The following UNC13C variants were observed in gnomAD, a reference collection of about 807,000 sequenced individuals.
UNC13C encodes protein unc-13 homolog C.
A neutral mutation model predicts 245.4 loss-of-function variants in UNC13C; 174 were observed. The ratio of observed to expected loss-of-function variants is 0.71; its 90% CI spans 0.63 to 0.80. The LOEUF is 0.80. Ranked by LOEUF, UNC13C falls within the 30% of genes least tolerant of loss-of-function variation. UNC13C has a pLI of 0.00. For synonymous variants in UNC13C, 992 were observed against 895.1 expected, an observed-to-expected ratio of 1.11 and a Z score of -1.93; for missense variants, 2,829 against 2,602.9, an observed-to-expected ratio of 1.09 and a Z score of -1.89.
At chr15:54,579,571 C>G (rs182204826) in intron 30 of UNC13C, among the ~76,000 whole-genome samples, 19 of 152,074 alleles carry the variant, frequency 1.2e-4, no homozygotes, top group Admixed American at 1.2e-3. Flanking sequence ...TTCCAGCTAA[C>G]ACAGTGAAAC....
At chr15:53,877,569 CAGAGAGAG>C in the UNC13C span, among the ~76,000 whole-genome samples, 1 of 149,136 alleles carries the variant, frequency 6.7e-6, no homozygotes, top group Non-Finnish European at 1.5e-5. Flanking sequence ...TTTGTGGATA[CAGAGAGAG>C]AGAGAGAGAG....
chr15:53,876,052 A>AT, the UNC13C span, among the ~76,000 whole-genome samples: 4 of 152,164 alleles, frequency 2.6e-5, no homozygotes, highest in Non-Finnish European at 4.4e-5. Flanking sequence ...CCACGTAATG[A>AT]TTTTTTATGC....
chr15:54,171,163 C>T (rs1013348739), intron 4 of UNC13C, among the ~76,000 whole-genome samples: 1 of 152,040 alleles, frequency 6.6e-6, no homozygotes, highest in African/African-American at 2.4e-5. Context: ...AATCCCAAAC[C>T]CTAGGTTGCG....
rs946011582 is a variant in UNC13C, at chr15:54,369,088, T to A, written c.4714-23960T>A. ...CAGAGTTAAAAATGAAAGGAAAAAA[T>A]ACATTTTCTCTAGTTAGCACAATTG... On this transcript the variant is annotated intron_variant, in intron 17 of 32. Transcript: ENST00000260323. Among the ~76,000 whole-genome samples, 4 of 151,980 alleles carry A rather than the reference T, an allele frequency of 2.6e-5. No homozygotes were observed. In the East Asian group the frequency reaches 7.7e-4, roughly 29 times the overall value.
intron 2 of UNC13C, among the ~76,000 whole-genome samples, chr15:54,057,912 A>G (rs1250518442): frequency 6.6e-6 from 1 of 152,190 alleles, no homozygotes; most frequent in East Asian, 1.9e-4. Flanking sequence ...TTTGAAACCA[A>G]CAAGAACAAA....
chr15:54,039,452 G>A (rs1424835135), intron 2 of UNC13C, among the ~76,000 whole-genome samples: 1 of 152,120 alleles, frequency 6.6e-6, no homozygotes, highest in African/African-American at 2.4e-5. Context: ...CTCCACAGAT[G>A]ACACTAAAGT....
At chr15:53,997,966 C>T (rs1257589086) in intron 1 of UNC13C, among the ~76,000 whole-genome samples, 1 of 151,914 alleles carries the variant, frequency 6.6e-6, no homozygotes, top group Non-Finnish European at 1.5e-5. Context: ...CCATGACCAG[C>T]TAATTTTTGT....
intron 1 of UNC13C, among the ~76,000 whole-genome samples, chr15:54,003,229 T>C (rs2140977445): frequency 6.6e-6 from 1 of 152,250 alleles, no homozygotes; most frequent in South Asian, 2.1e-4. Context: ...TTTCTGAGGA[T>C]AAAAATCAAA....
At chr15:54,188,511 C>A (rs889856064) in intron 4 of UNC13C, among the ~76,000 whole-genome samples, 1 of 151,942 alleles carries the variant, frequency 6.6e-6, no homozygotes, top group African/African-American at 2.4e-5. Context: ...AATTCATTAG[C>A]GAAGTGGGAC....
intron 17 of UNC13C, among the ~76,000 whole-genome samples, chr15:54,363,258 G>A (rs546818727): frequency 6.6e-6 from 1 of 152,234 alleles, no homozygotes; most frequent in East Asian, 1.9e-4. Flanking sequence ...ATAGACACAT[G>A]CCAGCCCACC....
At chr15:54,155,024 T>C (rs908482739) in intron 4 of UNC13C, among the ~76,000 whole-genome samples, 1 of 152,226 alleles carries the variant, frequency 6.6e-6, no homozygotes, top group African/African-American at 2.4e-5. Context: ...GCTTGATTAT[T>C]TAAAACCTGT....
intron 7 of UNC13C, among the ~76,000 whole-genome samples, chr15:54,239,920 T>A (rs773241013): frequency 6.6e-6 from 1 of 152,220 alleles, no homozygotes; most frequent in Non-Finnish European, 1.5e-5. Flanking sequence ...TGAAGAATTT[T>A]ATTGATAAAC....
chr15:54,479,905 A>T lies in UNC13C; in HGVS notation c.4934-14703A>T, dbSNP rs117986149. On this transcript the variant is annotated intron_variant, in intron 19 of 32. Transcript: ENST00000260323. ...AGAATTTACTTGCCTTTCAGATTCG[A>T]ATAGTAGCTTTGCTGGGTATAGTAT... is the stretch of plus-strand genomic sequence containing the variant. Among the ~76,000 whole-genome samples the T allele has an allele frequency of 2.2e-3, 330 of 152,154 alleles. 4 individuals are homozygous for T. In the East Asian group the frequency reaches 0.026, roughly 12 times the overall value.
intron 7 of UNC13C, 100 bp from the exon 8 acceptor site, chr15:54,250,125 A>T: frequency 8.8e-7 from 1 of 1,141,684 alleles, no homozygotes; most frequent in Non-Finnish European, 1.3e-6. Context: ...CTCTCAAAAT[A>T]CCATTTTCAG....
At chr15:54,091,276 T>G (rs2141136656) in intron 2 of UNC13C, among the ~76,000 whole-genome samples, 1 of 152,350 alleles carries the variant, frequency 6.6e-6, no homozygotes, top group East Asian at 1.9e-4. Context: ...CAGCTCTGTT[T>G]AACTTGTGCT....
chr15:54,569,883 C>A (rs1897674185), intron 30 of UNC13C, among the ~76,000 whole-genome samples: 2 of 151,842 alleles, frequency 1.3e-5, no homozygotes, highest in Admixed American at 1.3e-4. Flanking sequence ...TGTAAATATG[C>A]CTTGTGGAAA....
chr15:54,138,222 A>C (rs1242178668), intron 2 of UNC13C, among the ~76,000 whole-genome samples: 2 of 152,104 alleles, frequency 1.3e-5, no homozygotes, highest in Non-Finnish European at 2.9e-5. Flanking sequence ...TGGCTTGAAG[A>C]CTTTTCCAAA....
intron 2 of UNC13C, among the ~76,000 whole-genome samples, chr15:54,125,577 G>A (rs1453435438): frequency 6.6e-6 from 1 of 152,122 alleles, no homozygotes; most frequent in African/African-American, 2.4e-5. Context: ...CACAAACGTG[G>A]TACATCTCTT....
At chr15:54,398,872 C>T (rs889079376) in intron 18 of UNC13C, among the ~76,000 whole-genome samples, 3 of 151,426 alleles carry the variant, frequency 2.0e-5, no homozygotes, top group Admixed American at 6.6e-5. Context: ...ACTGTCTGAA[C>T]GTTTATAAAT....
Sources: gnomAD v4.1 joint callset for allele counts (sites outside exome capture counted in the v4.1 genomes callset) on GRCh38, gnomAD v4.1.1 for gene constraint, MANE v1.5 for transcripts, NCBI Gene and HGNC (gene_info 2026-07-23, HGNC 2026-07-21) for gene names.